The following ADAM12 variants were observed in gnomAD, a reference collection of about 807,000 sequenced individuals.
The protein encoded by ADAM12 is disintegrin and metalloproteinase domain-containing protein 12.
A neutral mutation model predicts 106.4 loss-of-function variants in ADAM12; 70 were observed. The observed-to-expected ratio is 0.66, with a 90% CI of 0.54 to 0.80. ADAM12 has a LOEUF of 0.80. Among genes scored for constraint, ADAM12 ranks in the 30% least tolerant of loss-of-function variants. The pLI, the probability that ADAM12 is intolerant of heterozygous loss-of-function variation, is 0.00. For synonymous variants in ADAM12, 420 were observed against 433.5 expected (o/e 0.97, Z 0.39); for missense variants, 1,010 against 1,171.9 (o/e 0.86, Z 2.02).
intron 3 of ADAM12, among the ~76,000 whole-genome samples, chr10:126,183,548 G>A (rs1413983041): frequency 6.6e-6 from 1 of 152,260 alleles, no homozygotes; most frequent in African/African-American, 2.4e-5. Context: ...TCTGGGGCAA[G>A]TGGTGAAGTG....
At chr10:126,243,484 A>ATGTGTGTGTGT (rs1565162693) in intron 3 of ADAM12, among the ~76,000 whole-genome samples, 3 of 137,126 alleles carry the variant, frequency 2.2e-5, no homozygotes, top group South Asian at 4.6e-4. Flanking sequence ...TGTGTGTGTG[A>ATGTGTGTGTGT]GTGTATGTGT....
At chr10:126,143,621 G>A (rs1048438772) in intron 4 of ADAM12, among the ~76,000 whole-genome samples, 15 of 133,782 alleles carry the variant, frequency 1.1e-4, no homozygotes, top group South Asian at 4.5e-4. Context: ...ATGGGGGTGC[G>A]TGGGTGTGTG....
intron 21 of ADAM12, among the ~76,000 whole-genome samples, chr10:126,028,181 G>T (rs1953911740): frequency 6.6e-6 from 1 of 152,038 alleles, no homozygotes; most frequent in African/African-American, 2.4e-5. Context: ...GAAATCAGAG[G>T]ACATAAACAA....
intron 2 of ADAM12, among the ~76,000 whole-genome samples, chr10:126,279,922 C>T (rs1046266882): frequency 1.3e-5 from 2 of 152,184 alleles, no homozygotes; most frequent in African/African-American, 4.8e-5. Context: ...ACGCTGACTT[C>T]GTCTGCCTTT....
At chr10:126,034,361 T>G (rs565864862) in intron 21 of ADAM12, among the ~76,000 whole-genome samples, 71 of 152,270 alleles carry the variant, frequency 4.7e-4, no homozygotes, top group African/African-American at 1.5e-3. Flanking sequence ...AACAGAGTAT[T>G]CAGTACAATA....
intron 1 of ADAM12, among the ~76,000 whole-genome samples, chr10:126,358,507 C>A (rs11517289): frequency 0.15 from 23,018 of 152,090 alleles, 2,079 homozygotes; most frequent in Middle Eastern, 0.28. Context: ...CACAATAAAG[C>A]CATATATAAT....
intron 1 of ADAM12, among the ~76,000 whole-genome samples, chr10:126,378,817 A>G (rs1856388838): frequency 6.6e-6 from 1 of 152,246 alleles, no homozygotes; most frequent in Non-Finnish European, 1.5e-5. Context: ...CATATTTTAG[A>G]AATGAATGAT....
chr10:126,313,276 G>A (rs927521832), intron 2 of ADAM12, among the ~76,000 whole-genome samples: 12 of 152,204 alleles, frequency 7.9e-5, no homozygotes, highest in Admixed American at 2.6e-4. Flanking sequence ...AGAGGGCCAA[G>A]AAACCAAGGT....
intron 5 of ADAM12, among the ~76,000 whole-genome samples, chr10:126,123,812 T>C (rs1956154626): frequency 6.6e-6 from 1 of 152,076 alleles, no homozygotes; most frequent in Non-Finnish European, 1.5e-5. Flanking sequence ...GAATTAAAAA[T>C]GAAAAGGACT....
At chr10:126,312,594 T>C (rs1433696751) in intron 2 of ADAM12, among the ~76,000 whole-genome samples, 2 of 152,112 alleles carry the variant, frequency 1.3e-5, no homozygotes, top group Admixed American at 6.5e-5. Context: ...GTGGGGAGCC[T>C]TTAAGGAGGA....
chr10:126,096,374 G>T (rs1955559126), intron 10 of ADAM12, among the ~76,000 whole-genome samples: 1 of 152,158 alleles, frequency 6.6e-6, no homozygotes, highest in Non-Finnish European at 1.5e-5. Context: ...GTTTACATTT[G>T]TAGTAAGAAA....
chr10:126,300,933 C>T (rs1960595384), intron 2 of ADAM12, among the ~76,000 whole-genome samples: 1 of 152,070 alleles, frequency 6.6e-6, no homozygotes, highest in Non-Finnish European at 1.5e-5. Flanking sequence ...GTTTGATTTG[C>T]TTAATGTAAA....
At chr10:126,370,203 C>T (rs1276815911) in intron 1 of ADAM12, among the ~76,000 whole-genome samples, 2 of 152,066 alleles carry the variant, frequency 1.3e-5, no homozygotes, top group Non-Finnish European at 2.9e-5. Context: ...ATTAGAGGAC[C>T]CAGATAAGTT....
chr10:126,140,778 A>C (rs1170597108), intron 4 of ADAM12, among the ~76,000 whole-genome samples: 3 of 152,258 alleles, frequency 2.0e-5, no homozygotes, highest in Non-Finnish European at 4.4e-5. Flanking sequence ...ATAAGTCAAA[A>C]CACAGATAAT....
chr10:126,330,552 G>C (rs765989957), intron 1 of ADAM12, 43 bp from the exon 2 acceptor site: 2 of 1,543,406 alleles, frequency 1.3e-6, no homozygotes, highest in Admixed American at 1.9e-5. Flanking sequence ...CTCTAGTCAG[G>C]AAGAGTTTGG....
intron 1 of ADAM12, among the ~76,000 whole-genome samples, chr10:126,352,043 A>C (rs1221546492): frequency 2.0e-5 from 3 of 152,130 alleles, no homozygotes; most frequent in Non-Finnish European, 4.4e-5. Context: ...AGCACCCCTC[A>C]AAGGGCCAGA....
intron 3 of ADAM12, among the ~76,000 whole-genome samples, chr10:126,161,049 A>T (rs549247297): frequency 1.2e-3 from 178 of 152,232 alleles, no homozygotes; most frequent in African/African-American, 4.1e-3. Flanking sequence ...ATTAGCCCCC[A>T]TCGCAGTCCT....
chr10:126,019,040 G>A (rs1953710713), intron 22 of ADAM12, among the ~76,000 whole-genome samples: 1 of 152,122 alleles, frequency 6.6e-6, no homozygotes, highest in African/African-American at 2.4e-5. Context: ...GGAGCCTTGT[G>A]GGAGGTGACT....
At chr10:126,225,434 C>T (rs1958174662) in intron 3 of ADAM12, among the ~76,000 whole-genome samples, 1 of 152,186 alleles carries the variant, frequency 6.6e-6, no homozygotes, top group African/African-American at 2.4e-5. Context: ...AAGAAACCTG[C>T]ACGGGATCGC....
Sources: allele counts gnomAD v4.1 joint callset (sites outside exome capture counted in the v4.1 genomes callset), GRCh38; gene constraint gnomAD v4.1.1; transcripts MANE v1.5; gene names NCBI Gene and HGNC (gene_info 2026-07-23, HGNC 2026-07-21).